CFAP251: variants seen among roughly 807,000 people sequenced by gnomAD.
The protein encoded by CFAP251 is cilia and flagella associated protein 251, also known as cilia- and flagella-associated protein 251.
Under a neutral mutation model 126.7 loss-of-function variants are expected in CFAP251, and 93 were observed. The observed-to-expected ratio is 0.73, with a 90% confidence interval of 0.62 to 0.87. The LOEUF (loss-of-function observed/expected upper bound fraction) is 0.87, where lower values mean the gene tolerates loss of function less well. CFAP251 is among the 40% of genes least tolerant of loss of function. The pLI is 0.00. For missense variants in CFAP251, 1,287 were observed against 1,389.2 expected (o/e 0.93, Z 1.17); for synonymous variants, 503 against 506.9 (o/e 0.99, Z 0.10).
At chr12:121,922,560 G>A (rs537531038) in intron 2 of CFAP251, among the ~76,000 whole-genome samples, 2 of 152,202 alleles carry the variant, frequency 1.3e-5, no homozygotes, top group South Asian at 4.2e-4. Flanking sequence ...TGAGGTGCTC[G>A]CCTTAGAATG....
At position 121,921,372 on chromosome 12, in the gene CFAP251, G is replaced by C. The variant is rs1451888194; in HGVS notation, c.67G>C (p.Glu23Gln). ...GENGETEMKE[E>Q]EEPNPNYKEV... Reference sequence around the variant, plus strand: ...AAATGGAGAAACAGAAATGAAAGAAGAGGAGGAACCTAATCCAAATTATAA... The same window carrying C: ...AAATGGAGAAACAGAAATGAAAGAACAGGAGGAACCTAATCCAAATTATAA... Residue 23 changes from glutamate to glutamine, a missense_variant, in exon 2 of 22, where the codon GAG becomes CAG. Physicochemically the swap from Glu to Gln is conservative, Grantham distance 29. Coordinates refer to ENST00000288912, the MANE Select transcript of CFAP251 (RefSeq NM_144668.6). 1.2e-6 allele frequency: 2 copies of C among 1,609,466 alleles called. No homozygotes were observed. The highest frequency in any genetic ancestry group is 1.7e-5 in the Admixed American group (1 of 58,714).
At chr12:121,993,702 T>A (rs1882939013) in intron 19 of CFAP251, among the ~76,000 whole-genome samples, 1 of 137,534 alleles carries the variant, frequency 7.3e-6, no homozygotes, top group Admixed American at 7.3e-5. Flanking sequence ...GGCCGCCCCG[T>A]CTGAGAAGTG....
chr12:121,937,551 T>C (rs1184973371), intron 5 of CFAP251, among the ~76,000 whole-genome samples: 1 of 152,134 alleles, frequency 6.6e-6, no homozygotes, highest in Non-Finnish European at 1.5e-5. Context: ...GGATCCTAGA[T>C]GGGTTTTCTT....
intron 19 of CFAP251, among the ~76,000 whole-genome samples, chr12:121,983,156 C>T (rs187573714): frequency 1.3e-5 from 2 of 152,044 alleles, no homozygotes; most frequent in East Asian, 1.9e-4. Flanking sequence ...GGATCGCTTG[C>T]GCACAGGAGA....
chr12:121,961,616 A>G (rs1310370800), intron 14 of CFAP251, among the ~76,000 whole-genome samples: 1 of 152,166 alleles, frequency 6.6e-6, no homozygotes, highest in African/African-American at 2.4e-5. Flanking sequence ...TTGAATTTTT[A>G]CTCTGCCACT....
At chr12:121,982,793 A>T (rs1013483659) in intron 19 of CFAP251, among the ~76,000 whole-genome samples, 2 of 152,168 alleles carry the variant, frequency 1.3e-5, no homozygotes, top group East Asian at 1.9e-4. Context: ...GGCACAGAGC[A>T]ACCCGCTTGT....
At position 121,939,008 on chromosome 12, in the gene CFAP251, A is replaced by G. The variant is rs963964490; in HGVS notation, c.999-3526A>G. On this transcript the variant is annotated intron_variant, in intron 5 of 21. Coordinates refer to ENST00000288912, the MANE Select transcript of CFAP251 (RefSeq NM_144668.6). The stretch of plus-strand genomic sequence containing the variant: ...TCTAAAAAAAAAAAAATTAATGAAA[A>G]CTGATACATTTTCATGGAAAGCACT... 1.4e-4 allele frequency among the ~76,000 whole-genome samples: 21 copies of G among 151,968 alleles called. No individual in the cohort carries two copies. The East Asian group carries it at 3.9e-3, about 28-fold the overall frequency.
At chr12:121,944,858 C>G (rs1021272596) in intron 7 of CFAP251, among the ~76,000 whole-genome samples, 14 of 152,336 alleles carry the variant, frequency 9.2e-5, no homozygotes, top group African/African-American at 3.1e-4. Context: ...TCTCAGCTCA[C>G]TGCAGCCTCT....
chr12:121,956,906 A>G (rs1190100999), intron 10 of CFAP251, among the ~76,000 whole-genome samples, 168 bp from the exon 11 acceptor site: 1 of 152,200 alleles, frequency 6.6e-6, no homozygotes, highest in Non-Finnish European at 1.5e-5. Context: ...TCTGAAAGTT[A>G]GTTTCCTAGA....
intron 3 of CFAP251, among the ~76,000 whole-genome samples, chr12:121,924,306 C>T (rs1028279576): frequency 6.6e-5 from 10 of 151,326 alleles, no homozygotes; most frequent in Middle Eastern, 3.2e-3. Context: ...GATGGCGTCT[C>T]GCCACGCCAT....
At chr12:122,001,651 T>C in intron 21 of CFAP251, 53 bp downstream of exon 21, 2 of 1,353,460 alleles carry the variant, frequency 1.5e-6, no homozygotes, top group Non-Finnish European at 2.1e-6. Context: ...TGATTTGTTG[T>C]AGACTTCAGT....
intron 16 of CFAP251, 88 bp from the exon 17 acceptor site, chr12:121,967,918 C>T (rs1192878204): frequency 8.1e-7 from 1 of 1,227,538 alleles, no homozygotes; most frequent in African/African-American, 1.5e-5. Flanking sequence ...TTCTGGCACA[C>T]AGATCTGGAG....
At chr12:121,941,606 TTA>T (rs1881119469) in intron 5 of CFAP251, among the ~76,000 whole-genome samples, 17 of 152,290 alleles carry the variant, frequency 1.1e-4, no homozygotes, top group Admixed American at 1.1e-3. Flanking sequence ...AGTGCTGGGA[TTA>T]CCAGTATGCA....
At chr12:121,956,743 G>A (rs147833355) in intron 10 of CFAP251, among the ~76,000 whole-genome samples, 3 of 152,160 alleles carry the variant, frequency 2.0e-5, no homozygotes, top group Middle Eastern at 6.8e-3. Flanking sequence ...TGATCCACCC[G>A]ACTTGGCCTC....
At chr12:121,919,418 T>C (rs1457906405) in intron 1 of CFAP251, among the ~76,000 whole-genome samples, 1 of 152,212 alleles carries the variant, frequency 6.6e-6, no homozygotes, top group Non-Finnish European at 1.5e-5. Flanking sequence ...GCTTTCAAAC[T>C]GTTCATTTCT....
Position 121,931,759 on chromosome 12 carries a change from C to A in CFAP251, c.761C>A (p.Ser254Ter). 1.9e-6 allele frequency: 3 copies of A among 1,578,268 alleles called. No homozygotes were observed. In the South Asian group the frequency reaches 3.6e-5, roughly 19 times the overall value. The change falls in exon 4 of 22, where the codon TCG becomes TAG. Residue 254 changes from serine (S) to a stop codon, truncating the protein, a stop_gained. Coordinates refer to ENST00000288912, the MANE Select transcript of CFAP251 (RefSeq NM_144668.6). LOFTEE classifies it high-confidence loss of function. ...TPVYPLTMTWSFGWNSSLPVY... is the reference protein window; with the variant it reads ...TPVYPLTMTW The stretch of plus-strand genomic sequence containing the variant: ...CTTGTCTTCCAGACCATGACCTGGT[C>A]GTTTGGATGGAACAGTTCTCTTCCT...
At chr12:121,948,859 G>C (rs1630694) in intron 7 of CFAP251, 125 bp from the exon 8 acceptor site, 519,180 of 544,644 alleles carry the variant, frequency 0.95, 247,828 homozygotes, top group East Asian at 1. Context: ...TACGAAATGC[G>C]GTATCTTTTC....
chr12:121,943,019 A>T, intron 7 of CFAP251, 44 bp downstream of exon 7: 1 of 1,604,188 alleles, frequency 6.2e-7, no homozygotes, highest in East Asian at 2.2e-5. Context: ...GAAGTTATAC[A>T]GGTGCAAGGC....
At chr12:121,923,586 A>G in intron 2 of CFAP251, 36 bp from the exon 3 acceptor site, 1 of 1,570,032 alleles carries the variant, frequency 6.4e-7, no homozygotes, top group Non-Finnish European at 8.6e-7. Context: ...GAGTAGCAGC[A>G]CATATGGAAT....
Sources: gnomAD v4.1 joint callset for allele counts (sites outside exome capture counted in the v4.1 genomes callset) on GRCh38, gnomAD v4.1.1 for gene constraint, MANE v1.5 for transcripts, NCBI Gene and HGNC (gene_info 2026-07-23, HGNC 2026-07-21) for gene names.